Variants in CPA4 observed in about 807,000 individuals in gnomAD.
CPA4 encodes the protein carboxypeptidase A3.
A neutral mutation model predicts 54.7 loss-of-function variants in CPA4; 49 were observed. The observed-to-expected ratio is 0.90, with a 90% CI of 0.71 to 1.14. The LOEUF (loss-of-function observed/expected upper bound fraction) is 1.14. Among genes scored for constraint, CPA4 ranks in the 50% most tolerant of loss-of-function variants. The pLI is 0.00. For synonymous variants in CPA4, 215 were observed against 206.8 expected, an observed-to-expected ratio of 1.04 and a Z score of -0.34; for missense variants, 487 against 525.1, an observed-to-expected ratio of 0.93 and a Z score of 0.71.
In CPA4 at chr7:130,304,484, C is replaced by A; in HGVS notation, c.391C>A (p.His131Asn). 1 of 1,603,206 alleles carries A rather than the reference C, an allele frequency of 6.2e-7. No individual in the cohort carries two copies. The highest frequency in any genetic ancestry group is 1.1e-5 in the South Asian group (1 of 90,832). ...GAYHSLEAIY[H>N]EMDNIAADFP... ...TCACTCTTTCATGCTTCAGATTTACCACGAGATGGACAACATTGCCGCAGA... is the reference window on the plus strand; with the variant it reads ...TCACTCTTTCATGCTTCAGATTTACAACGAGATGGACAACATTGCCGCAGA... The change falls in exon 5 of 11, where the codon CAC (histidine) becomes AAC (asparagine). Residue 131 changes from histidine (H) to asparagine (N), a missense_variant. Physicochemically the swap from His to Asn is moderately conservative, Grantham distance 68 (BLOSUM62 1). Transcript: ENST00000222482.
intron 10 of CPA4, among the ~76,000 whole-genome samples, chr7:130,319,514 G>A (rs1407423746): frequency 6.6e-6 from 1 of 152,218 alleles, no homozygotes; most frequent in African/African-American, 2.4e-5. Context: ...CAGATCGATA[G>A]GAGAAAAGGC....
In CPA4 at chr7:130,312,057, C is replaced by T. The variant is rs748649596; in HGVS notation, c.1013C>T (p.Ala338Val). The T allele has an allele frequency of 2.5e-5, 41 of 1,613,928 alleles. No homozygotes were observed. The highest frequency in any genetic ancestry group is 1.2e-4 in the Admixed American group (7 of 60,004). Residue 338 changes from alanine to valine, a missense_variant, in exon 10 of 11, where the codon GCG becomes GTG. Coordinates refer to ENST00000222482, the MANE Select transcript of CPA4 (RefSeq NM_016352.4). ...TCCCAGGACAAGGTGGCGAGGCTTG[C>T]GGCCAAAGCTCTGGCTTCTGTGTCG... ...AEELDKVARL[A>V]AKALASVSGT...
chr7:130,306,314 C>T (rs1274841653), intron 6 of CPA4: 10 of 250,442 alleles, frequency 4.0e-5, no homozygotes, highest in African/African-American at 1.6e-4. Context: ...ACCCAGGAGG[C>T]GGAGGTTGCG....
chr7:130,320,334 C>T (rs1013975625), intron 10 of CPA4, among the ~76,000 whole-genome samples: 2 of 152,168 alleles, frequency 1.3e-5, no homozygotes, highest in Non-Finnish European at 1.5e-5. Flanking sequence ...TTACAAACTT[C>T]GTCATTTTGA....
chr7:130,312,542 T>C (rs974254770), intron 10 of CPA4, among the ~76,000 whole-genome samples: 4 of 152,160 alleles, frequency 2.6e-5, no homozygotes, highest in Non-Finnish European at 5.9e-5. Flanking sequence ...TGGGAGGTAA[T>C]TGAATCATGG....
At chr7:130,298,097 A>T (rs972591582) in intron 1 of CPA4, among the ~76,000 whole-genome samples, 2 of 151,914 alleles carry the variant, frequency 1.3e-5, no homozygotes, top group African/African-American at 4.8e-5. Context: ...GTCAGTTTCC[A>T]CCCAAACGAG....
chr7:130,297,035 G>A (rs772507592), intron 1 of CPA4, among the ~76,000 whole-genome samples: 77 of 150,784 alleles, frequency 5.1e-4, no homozygotes, highest in Admixed American at 2.2e-3. Context: ...TCACTGCAGC[G>A]TTGAACTCCT....
intron 1 of CPA4, among the ~76,000 whole-genome samples, chr7:130,295,993 A>G (rs1412573668): frequency 6.6e-6 from 1 of 152,216 alleles, no homozygotes; most frequent in Non-Finnish European, 1.5e-5. Context: ...CTGAAAAAAA[A>G]GGATAATGCT....
intron 4 of CPA4, among the ~76,000 whole-genome samples, chr7:130,303,797 T>A (rs1457323465): frequency 3.9e-5 from 2 of 51,448 alleles, no homozygotes; most frequent in South Asian, 5.5e-4. Flanking sequence ...GCTGCCTATT[T>A]TTTTTTTTTT....
chr7:130,309,278 T>C (rs181018640), intron 8 of CPA4, among the ~76,000 whole-genome samples: 3 of 152,334 alleles, frequency 2.0e-5, no homozygotes, highest in Non-Finnish European at 4.4e-5. Context: ...TTAAAAACAC[T>C]CTCTTCTAAG....
At chr7:130,321,199 A>T (rs1171773686) in intron 10 of CPA4, among the ~76,000 whole-genome samples, 2 of 152,208 alleles carry the variant, frequency 1.3e-5, no homozygotes, top group Non-Finnish European at 2.9e-5. Context: ...TGTCTCAAAA[A>T]GAAAAAAGAA....
chr7:130,301,155 T>C (rs113008120), intron 4 of CPA4, among the ~76,000 whole-genome samples: 3 of 152,310 alleles, frequency 2.0e-5, no homozygotes, highest in African/African-American at 7.2e-5. Context: ...CTTAAGCAAC[T>C]CTTTCAGAAT....
intron 7 of CPA4, 60 bp downstream of exon 7, chr7:130,306,957 T>C: frequency 1.1e-6 from 1 of 903,308 alleles, no homozygotes; most frequent in Non-Finnish European, 1.9e-6. Context: ...TTGCCACTAA[T>C]TGTCTGATCT....
At chr7:130,313,985 T>G (rs1426469206) in intron 10 of CPA4, among the ~76,000 whole-genome samples, 3 of 152,174 alleles carry the variant, frequency 2.0e-5, no homozygotes, top group Admixed American at 2.0e-4. Flanking sequence ...AAAGAATTAT[T>G]TTTTACACAA....
chr7:130,308,850 CT>C (rs1249548992), intron 8 of CPA4, among the ~76,000 whole-genome samples: 249 of 120,126 alleles, frequency 2.1e-3, no homozygotes, highest in Admixed American at 2.0e-3. Flanking sequence ...CTAGCCCAGC[CT>C]TTTTTTTTTT....
chr7:130,303,616 C>T (rs1179898433), intron 4 of CPA4, among the ~76,000 whole-genome samples: 1 of 151,670 alleles, frequency 6.6e-6, no homozygotes, highest in Non-Finnish European at 1.5e-5. Flanking sequence ...TTTTAAGAGC[C>T]TTGGAGCTCT....
rs772237783 is a variant in CPA4, at chr7:130,293,166, T to C, written c.-15T>C. ...CAGCTTGACTCAGCCACTGTATGAC[T>C]GACTCCCCGGGGACATGAGGTGGAT... On this transcript the variant is annotated 5_prime_UTR_variant, in exon 1 of 11. Transcript: ENST00000222482. 6.3e-7 allele frequency: 1 copy of C among 1,578,048 alleles called. No individual in the cohort carries two copies. The highest frequency in any genetic ancestry group is 1.1e-5 in the South Asian group (1 of 90,312).
At chr7:130,311,943 C>A in intron 9 of CPA4, 95 bp from the exon 10 acceptor site, 3 of 894,758 alleles carry the variant, frequency 3.4e-6, no homozygotes, top group Non-Finnish European at 5.5e-6. Context: ...TCGGGGGGGG[C>A]TGAGAATCTT....
intron 10 of CPA4, 133 bp downstream of exon 10, chr7:130,312,255 C>A (rs1368995660): frequency 7.5e-6 from 5 of 662,584 alleles, no homozygotes; most frequent in Admixed American, 4.5e-5. Flanking sequence ...GACTGAACTA[C>A]ATCATGCCTG....
Sources: allele counts gnomAD v4.1 joint callset (sites outside exome capture counted in the v4.1 genomes callset), GRCh38; gene constraint gnomAD v4.1.1; transcripts MANE v1.5; gene names NCBI Gene and HGNC (gene_info 2026-07-23, HGNC 2026-07-21).